The following TSPAN11 variants were observed in gnomAD, a reference collection of about 807,000 sequenced individuals.
TSPAN11 encodes the protein tetraspanin 11.
In TSPAN11, 29 loss-of-function variants were observed where a neutral mutation model predicts 32.9. The observed-to-expected ratio is 0.88, with a 90% CI of 0.66 to 1.20. The LOEUF is 1.20. TSPAN11 is among the 50% of genes most tolerant of loss of function. TSPAN11 has a pLI of 0.00. For missense variants in TSPAN11, 283 were observed against 329.1 expected, an observed-to-expected ratio of 0.86 and a Z score of 1.08; for synonymous variants, 140 against 141.3, an observed-to-expected ratio of 0.99 and a Z score of 0.07.
At position 30,992,101 on chromosome 12, in the gene TSPAN11, C is replaced by T. The variant is rs114433653; in HGVS notation, c.*186C>T. 3,882 of 646,512 alleles carry T rather than the reference C, an allele frequency of 6.0e-3. 109 individuals carry two copies. The African/African-American group carries it at 0.062, about 10-fold the overall frequency. 40.0% of individuals were successfully genotyped at this position (646,512 alleles called of 1,614,324 possible). On this transcript the variant is annotated 3_prime_UTR_variant, in exon 8 of 8. Coordinates refer to ENST00000546076, the MANE Select transcript of TSPAN11 (RefSeq NM_001370302.1). The stretch of plus-strand genomic sequence containing the variant: ...CTGTGCCCACCCAGGCAGAGACCCT[C>T]GGCCCCCTCTCCTCCATTTCTGAGC...
At chr12:30,947,529 A>G (rs1283632315) in intron 1 of TSPAN11, among the ~76,000 whole-genome samples, 1 of 152,238 alleles carries the variant, frequency 6.6e-6, no homozygotes, top group East Asian at 1.9e-4. Context: ...GGCAGGAGGC[A>G]AAAGGCACTT....
chr12:30,965,121 G>A (rs1938702130), intron 3 of TSPAN11, among the ~76,000 whole-genome samples: 1 of 152,262 alleles, frequency 6.6e-6, no homozygotes, highest in Admixed American at 6.5e-5. Context: ...AACCAGGCAT[G>A]TAGCGCAGCC....
chr12:31,016,382 A>C, the TSPAN11 span, among the ~76,000 whole-genome samples: 1 of 152,220 alleles, frequency 6.6e-6, no homozygotes, highest in South Asian at 2.1e-4. Flanking sequence ...TGTGTGCTTC[A>C]AAATGGTTTC....
chr12:30,949,689 T>G (rs1437335643), intron 1 of TSPAN11, among the ~76,000 whole-genome samples: 1 of 152,136 alleles, frequency 6.6e-6, no homozygotes, highest in African/African-American at 2.4e-5. Context: ...TCAGCTTCCT[T>G]TCCCAGGCCT....
intron 1 of TSPAN11, among the ~76,000 whole-genome samples, chr12:30,949,777 C>A (rs1051697084): frequency 1.4e-4 from 21 of 152,246 alleles, no homozygotes; most frequent in Non-Finnish European, 2.8e-4. Context: ...TCATGGGGCA[C>A]CCCTAACCCT....
chr12:30,967,274 A>C (rs1385248317), intron 3 of TSPAN11, among the ~76,000 whole-genome samples: 1 of 152,228 alleles, frequency 6.6e-6, no homozygotes, highest in Non-Finnish European at 1.5e-5. Flanking sequence ...GCTGTCACTT[A>C]GTCTGGATGG....
intron 2 of TSPAN11, among the ~76,000 whole-genome samples, chr12:30,963,550 T>G (rs965060934): frequency 1.3e-5 from 2 of 152,188 alleles, no homozygotes; most frequent in Non-Finnish European, 2.9e-5. Context: ...CCTGGCCTCA[T>G]ACGCAATAGG....
intron 1 of TSPAN11, among the ~76,000 whole-genome samples, chr12:30,928,313 A>C (rs1029237090): frequency 6.6e-6 from 1 of 152,188 alleles, no homozygotes. Context: ...CAAATGAAGC[A>C]GTAAGGAGCA....
At chr12:30,934,930 G>C (rs1476378813) in intron 1 of TSPAN11, among the ~76,000 whole-genome samples, 1 of 152,104 alleles carries the variant, frequency 6.6e-6, no homozygotes, top group Non-Finnish European at 1.5e-5. Flanking sequence ...CTAGGCCTCT[G>C]CCTGTCCCCA....
chr12:30,963,400 C>T (rs1187297180), intron 2 of TSPAN11, among the ~76,000 whole-genome samples: 1 of 152,172 alleles, frequency 6.6e-6, no homozygotes, highest in African/African-American at 2.4e-5. Flanking sequence ...TCGAACGAGC[C>T]CCACCAGGGA....
chr12:30,939,750 AT>A (rs1420326499), intron 1 of TSPAN11, among the ~76,000 whole-genome samples: 2 of 152,132 alleles, frequency 1.3e-5, no homozygotes, highest in African/African-American at 2.4e-5. Context: ...AGGAGACTGC[AT>A]ATTCATTTTC....
chr12:30,982,487 C>T lies in TSPAN11; in HGVS notation c.457-45C>T, dbSNP rs144229915. ...ATGTGTCCTGCAGCCTGGGACCCTA[C>T]GCAGGCCTCTCACCTCCAGCCTCTG... On this transcript the variant is annotated intron_variant, in intron 5 of 7. Transcript: ENST00000546076. 7.6e-3 allele frequency: 12,091 copies of T among 1,581,600 alleles called. 841 individuals carry two copies. The South Asian group carries it at 0.12, about 16-fold the overall frequency.
At chr12:31,000,943 G>A (rs1389970228), downstream of TSPAN11, among the ~76,000 whole-genome samples, 1 of 152,118 alleles carries the variant, frequency 6.6e-6, no homozygotes, top group African/African-American at 2.4e-5. Context: ...CACAAAGGCT[G>A]TGCATCTCTC....
chr12:30,942,186 G>A (rs1275042856), intron 1 of TSPAN11, among the ~76,000 whole-genome samples: 1 of 152,180 alleles, frequency 6.6e-6, no homozygotes, highest in African/African-American at 2.4e-5. Context: ...TTAGAGAGTT[G>A]GGTCTAATCA....
At chr12:30,951,654 T>A (rs1938384466) in intron 1 of TSPAN11, among the ~76,000 whole-genome samples, 2 of 152,194 alleles carry the variant, frequency 1.3e-5, no homozygotes, top group South Asian at 4.1e-4. Flanking sequence ...TGGCACATAG[T>A]AAGTGTTCCA....
the TSPAN11 span, among the ~76,000 whole-genome samples, chr12:31,012,169 G>A: frequency 3.9e-5 from 6 of 152,246 alleles, no homozygotes; most frequent in African/African-American, 1.2e-4. Flanking sequence ...CCAGCCACGT[G>A]CCTTGCTCCT....
downstream of TSPAN11, among the ~76,000 whole-genome samples, chr12:30,998,204 A>G (rs1371243201): frequency 6.6e-6 from 1 of 152,222 alleles, no homozygotes; most frequent in African/African-American, 2.4e-5. Flanking sequence ...ACTGGCTTAC[A>G]ACTGCTGCCT....
intron 2 of TSPAN11, among the ~76,000 whole-genome samples, chr12:30,960,488 G>A (rs936101658): frequency 3.3e-5 from 5 of 151,920 alleles, no homozygotes; most frequent in African/African-American, 1.2e-4. Flanking sequence ...AAAGAAAAAC[G>A]CCTACATTTA....
intron 1 of TSPAN11, among the ~76,000 whole-genome samples, chr12:30,930,639 A>G (rs1468191208): frequency 6.6e-6 from 1 of 152,222 alleles, no homozygotes; most frequent in Non-Finnish European, 1.5e-5. Context: ...TGAACTCAGA[A>G]GAGGGGTACG....
Sources: gnomAD v4.1 joint callset for allele counts (sites outside exome capture counted in the v4.1 genomes callset) on GRCh38, gnomAD v4.1.1 for gene constraint, MANE v1.5 for transcripts, NCBI Gene and HGNC (gene_info 2026-07-23, HGNC 2026-07-21) for gene names.